TUSC3: variants seen among roughly 807,000 people sequenced by gnomAD.
The protein encoded by TUSC3 is tumor suppressor candidate 3.
A neutral mutation model predicts 44.8 loss-of-function variants in TUSC3; 45 were observed. The ratio of observed to expected loss-of-function variants is 1.00; its 90% CI spans 0.79 to 1.29. The LOEUF (loss-of-function observed/expected upper bound fraction) is 1.29, where lower values mean the gene tolerates loss of function less well. TUSC3 is among the 50% of genes most tolerant of loss of function. TUSC3 has a pLI of 0.00. For missense variants in TUSC3, 519 were observed against 437.9 expected, an observed-to-expected ratio of 1.19 and a Z score of -1.65; for synonymous variants, 212 against 152.9, an observed-to-expected ratio of 1.39 and a Z score of -2.85.
At position 15,418,003 on chromosome 8, in the gene TUSC3, A is replaced by G. The variant is rs112391662; in HGVS notation, n.91+698A>G. On this transcript the variant is annotated intron_variant and non_coding_transcript_variant, in intron 1 of 5. Coordinates refer to the TUSC3 transcript ENST00000503191. ...TGCCTGGGAAACTCTGACACTTTAT[A>G]ACACTTGAAAACAAAAGCTTCCCAG... 9.3e-3 allele frequency among the ~76,000 whole-genome samples: 1,410 copies of G among 152,292 alleles called. 18 individuals carry two copies. Among genetic ancestry groups the G allele is most frequent in the African/African-American group, 0.031 (1,298 of 41,556 alleles).
chr8:15,637,855 C>T (rs1025572624), intron 2 of TUSC3, among the ~76,000 whole-genome samples: 1 of 152,222 alleles, frequency 6.6e-6, no homozygotes, highest in East Asian at 1.9e-4. Flanking sequence ...CCTCTCTCCT[C>T]CTTCTTGCAG....
At chr8:15,524,162 A>G (rs1423356282) in intron 2 of TUSC3, among the ~76,000 whole-genome samples, 1 of 151,782 alleles carries the variant, frequency 6.6e-6, no homozygotes, top group African/African-American at 2.4e-5. Flanking sequence ...TTTTTTGCAT[A>G]TGTTAACGGT....
chr8:15,488,420 T>C (rs866908397), intron 2 of TUSC3, among the ~76,000 whole-genome samples: 1 of 152,080 alleles, frequency 6.6e-6, no homozygotes, highest in African/African-American at 2.4e-5. Context: ...GAGGATTGCT[T>C]GAGCCCAGGA....
rs1799824041 is a variant in TUSC3 at position 15,427,847 on chromosome 8, T to C, written n.91+10542T>C. Among the ~76,000 whole-genome samples, 2 of 152,198 alleles carry C rather than the reference T, an allele frequency of 1.3e-5. 1 individual carries two copies. Among genetic ancestry groups the C allele is most frequent in the South Asian group, 4.1e-4 (2 of 4,830 alleles). On this transcript the variant is annotated intron_variant and non_coding_transcript_variant, in intron 1 of 5. Coordinates refer to the TUSC3 transcript ENST00000503191. ...TGACAACACCAATGTCAAGAAGCTT[T>C]TCCCCTGTTTTCTTCTGGTAGTTGT...
chr8:15,464,507 T>G (rs1800389797), intron 1 of TUSC3, among the ~76,000 whole-genome samples: 2 of 152,192 alleles, frequency 1.3e-5, no homozygotes, highest in Non-Finnish European at 2.9e-5. Context: ...TTCTATCTAG[T>G]GATCTGTTTG....
rs73665477 is a variant in TUSC3 at position 15,684,290 on chromosome 8, C to T, written c.798+10454C>T. ...AGAGTCACAACTCCTTGGGAACCCA[C>T]TGTTCCTCTGTATTTGCCAGAGTCA... On this transcript the variant is annotated intron_variant, in intron 6 of 10. Coordinates refer to ENST00000503731, the MANE Select transcript of TUSC3 (RefSeq NM_006765.4). 9.9e-3 allele frequency among the ~76,000 whole-genome samples: 1,513 copies of T among 152,258 alleles called. 24 individuals are homozygous for T. Among genetic ancestry groups the T allele is most frequent in the African/African-American group, 0.035 (1,465 of 41,544 alleles).
intron 9 of TUSC3, among the ~76,000 whole-genome samples, chr8:15,753,640 A>G (rs890584062): frequency 2.0e-5 from 3 of 152,070 alleles, no homozygotes; most frequent in African/African-American, 7.2e-5. Context: ...ATTCCATTGC[A>G]TTAGTTTCCT....
intron 2 of TUSC3, among the ~76,000 whole-genome samples, chr8:15,530,037 G>C (rs1452951229): frequency 1.5e-5 from 2 of 131,110 alleles, no homozygotes. Flanking sequence ...CACCCGCCTC[G>C]GCCTCCCAAA....
At chr8:15,534,369 C>T (rs6981199) in intron 2 of TUSC3, among the ~76,000 whole-genome samples, 3,162 of 152,152 alleles carry the variant, frequency 0.021, 63 homozygotes, top group Non-Finnish European at 0.029. Context: ...CCGGGCTGGG[C>T]GCGGTGACGC....
chr8:15,748,650 T>C (rs1266998522), intron 9 of TUSC3, 185 bp downstream of exon 9: 1 of 736,686 alleles, frequency 1.4e-6, no homozygotes, highest in African/African-American at 1.7e-5. Flanking sequence ...ATATAAGGCA[T>C]GGTTCTTGTT....
chr8:15,829,803 G>C, the TUSC3 span, among the ~76,000 whole-genome samples: 1 of 151,794 alleles, frequency 6.6e-6, no homozygotes, highest in Non-Finnish European at 1.5e-5. Context: ...CTTTTCCTTT[G>C]GGTAGATACC....
intron 1 of TUSC3, among the ~76,000 whole-genome samples, chr8:15,574,360 T>C (rs1169001844): frequency 6.6e-6 from 1 of 152,168 alleles, no homozygotes; most frequent in Non-Finnish European, 1.5e-5. Context: ...GTACAGATTA[T>C]GGAGTTGTCA....
chr8:15,487,738 C>T (rs1294009972), intron 2 of TUSC3, among the ~76,000 whole-genome samples: 2 of 152,146 alleles, frequency 1.3e-5, no homozygotes, highest in Non-Finnish European at 2.9e-5. Context: ...AACGAAACAT[C>T]CAATTAGCCT....
chr8:15,648,227 G>C (rs1806715827), intron 2 of TUSC3, among the ~76,000 whole-genome samples: 1 of 151,952 alleles, frequency 6.6e-6, no homozygotes, highest in African/African-American at 2.4e-5. Flanking sequence ...TGTTTTATTT[G>C]GGCAGTCATA....
chr8:15,811,140 G>C, the TUSC3 span, among the ~76,000 whole-genome samples: 2 of 152,152 alleles, frequency 1.3e-5, no homozygotes, highest in African/African-American at 4.8e-5. Context: ...TTGTCTTGTA[G>C]CATTGAAGGA....
intron 2 of TUSC3, among the ~76,000 whole-genome samples, chr8:15,503,039 A>G (rs1194918618): frequency 2.0e-5 from 3 of 152,136 alleles, no homozygotes; most frequent in Non-Finnish European, 2.9e-5. Context: ...CTTGTGTGAA[A>G]CCAGTTACGG....
intron 5 of TUSC3, among the ~76,000 whole-genome samples, chr8:15,664,343 A>G (rs1807559310): frequency 6.6e-6 from 1 of 151,578 alleles, no homozygotes; most frequent in South Asian, 2.1e-4. Flanking sequence ...CCTTATGACT[A>G]CAAATAAATT....
At chr8:15,607,079 G>T (rs1005347206) in intron 1 of TUSC3, among the ~76,000 whole-genome samples, 1 of 152,028 alleles carries the variant, frequency 6.6e-6, no homozygotes, top group Non-Finnish European at 1.5e-5. Context: ...TTTACCCTGT[G>T]CTGTTCTCTC....
intron 8 of TUSC3, among the ~76,000 whole-genome samples, chr8:15,744,412 T>G (rs1464841887): frequency 2.0e-5 from 3 of 152,208 alleles, no homozygotes; most frequent in African/African-American, 7.2e-5. Context: ...TGATTTGATA[T>G]GTCCACAGAC....
Sources: allele counts gnomAD v4.1 joint callset (sites outside exome capture counted in the v4.1 genomes callset), GRCh38; gene constraint gnomAD v4.1.1; transcripts MANE v1.5; gene names NCBI Gene and HGNC (gene_info 2026-07-23, HGNC 2026-07-21).